DNAH1: variants seen among roughly 807,000 people sequenced by gnomAD.
The protein encoded by DNAH1 is axonemal beta dynein heavy chain 1.
In DNAH1, 327 loss-of-function variants were observed where a neutral mutation model predicts 484.3. The ratio of observed to expected loss-of-function variants is 0.68; its 90% CI spans 0.62 to 0.74. The LOEUF (loss-of-function observed/expected upper bound fraction) is 0.74, where lower values mean the gene tolerates loss of function less well. Among genes scored for constraint, DNAH1 ranks in the 30% least tolerant of loss-of-function variants. The probability of loss-of-function intolerance (pLI) is 0.00; values close to 1 mark genes in which losing one functional copy is unlikely to be tolerated. For synonymous variants in DNAH1, 2,192 were observed against 2,191.9 expected (o/e 1.00, Z 0.00); for missense variants, 5,052 against 5,546.8 (o/e 0.91, Z 2.83).
At chr3:52,357,071 G>A (rs1370527401) in intron 22 of DNAH1, among the ~76,000 whole-genome samples, 1 of 99,482 alleles carries the variant, frequency 1.0e-5, no homozygotes, top group East Asian at 2.9e-4. Context: ...TTTTGCTCTT[G>A]TTGCCCAGGC....
chr3:52,369,766 C>G, intron 37 of DNAH1, 59 bp from the exon 38 acceptor site: 1 of 1,546,892 alleles, frequency 6.5e-7, no homozygotes, highest in Non-Finnish European at 8.8e-7. Context: ...CCCTGCAGCC[C>G]TTTCTCCAGG....
intron 77 of DNAH1, 23 bp from the exon 78 acceptor site, chr3:52,400,302 G>A (rs368262773): frequency 1.3e-4 from 210 of 1,613,460 alleles, no homozygotes; most frequent in Admixed American, 7.2e-4. Flanking sequence ...GACCTAACCC[G>A]TCCCCCTCCT....
intron 54 of DNAH1, 54 bp from the exon 55 acceptor site, chr3:52,386,104 CTA>C: frequency 6.5e-7 from 1 of 1,541,122 alleles, no homozygotes. Context: ...TCTGGGGAGA[CTA>C]AGATGCAGAG....
chr3:52,385,176 T>A (rs1049335355), intron 53 of DNAH1, among the ~76,000 whole-genome samples, 161 bp from the exon 54 acceptor site: 1 of 152,168 alleles, frequency 6.6e-6, no homozygotes, highest in Non-Finnish European at 1.5e-5. Context: ...CCACAGATAT[T>A]TGGGGGACTG....
At chr3:52,341,530 C>CTTTTTTT (rs55645528) in intron 8 of DNAH1, among the ~76,000 whole-genome samples, 4 of 101,172 alleles carry the variant, frequency 4.0e-5, no homozygotes, top group Admixed American at 1.0e-4. Flanking sequence ...TTGACTTTGA[C>CTTTTTTT]TTTTTTTTTT....
chr3:52,353,801 C>G lies in DNAH1; in HGVS notation c.3480+168C>G, dbSNP rs1172058539. On this transcript the variant is annotated intron_variant, in intron 20 of 77. Coordinates refer to ENST00000420323, the MANE Select transcript of DNAH1 (RefSeq NM_015512.5). This position sits in a 1 kb window ranked among gnomAD's most constrained non-coding sequence, Gnocchi z 5.0. The stretch of plus-strand genomic sequence containing the variant: ...CATTCTATTAAGTGAGTTAATAATG[C>G]ACATAAAATTCTTGACAGTGTCCAC... 86 of 901,626 alleles carry G rather than the reference C, an allele frequency of 9.5e-5. 2 individuals carry two copies. In the Admixed American group the frequency reaches 2.5e-3, roughly 26 times the overall value. 55.9% of individuals were successfully genotyped at this position (901,626 alleles called of 1,614,324 possible).
Position 52,369,879 on chromosome 3 carries a change from G to A in DNAH1, c.5998G>A (p.Val2000Ile). Reference sequence around the variant, plus strand: ...CCTGGCGGTGGCTTCACCAGCTACAGTCTCCCGCTGTGGCATGGTGTACCT... The same window carrying A: ...CCTGGCGGTGGCTTCACCAGCTACAATCTCCCGCTGTGGCATGGTGTACCT... ...QDLAVASPAT[V>I]SRCGMVYLEP... Residue 2000 changes from valine to isoleucine, a missense_variant, in exon 38 of 78, where the codon GTC becomes ATC. Val to Ile is a conservative substitution (Grantham distance 29, BLOSUM62 3). Around this residue, in one of 4 missense-constraint regions of DNAH1, gnomAD observed 2,929 missense variants for 3,409.4 expected, o/e 0.86. Coordinates refer to ENST00000420323, the MANE Select transcript of DNAH1 (RefSeq NM_015512.5). The A allele has an allele frequency of 6.2e-7, 1 of 1,613,730 alleles. No homozygotes were observed. The highest frequency in any genetic ancestry group is 1.1e-5 in the South Asian group (1 of 91,080).
chr3:52,349,415 G>A lies in DNAH1; in HGVS notation c.2521G>A (p.Asp841Asn), dbSNP rs1162994783. Residue 841 changes from aspartate (D) to asparagine (N), a missense_variant, in exon 14 of 78, where the codon GAT becomes AAT. Asp to Asn is a conservative substitution (Grantham distance 23). Transcript: ENST00000420323. ...ILAKNLHKEV[D>N]SICEEFRSIS... ...TGCCAAGAACCTGCATAAGGAGGTG[G>A]ATAGCGTAAGTGCCCACCTGCCCCG... 3 of 1,613,644 alleles carry A rather than the reference G, an allele frequency of 1.9e-6. No individual in the cohort carries two copies. The highest frequency in any genetic ancestry group is 2.5e-6 in the Non-Finnish European group (3 of 1,179,822).
At chr3:52,356,867 C>A in intron 22 of DNAH1, 89 bp downstream of exon 22, 1 of 1,450,092 alleles carries the variant, frequency 6.9e-7, no homozygotes, top group Non-Finnish European at 9.3e-7. Context: ...TCCCTCCCTA[C>A]ACAGAAAAGG....
chr3:52,331,469 C>T (rs1261798367), intron 7 of DNAH1, among the ~76,000 whole-genome samples, 160 bp downstream of exon 7: 1 of 152,152 alleles, frequency 6.6e-6, no homozygotes, highest in Admixed American at 6.5e-5. Context: ...ACTCATCACT[C>T]AGAGACCCCA....
intron 8 of DNAH1, among the ~76,000 whole-genome samples, chr3:52,342,508 G>A (rs888158739): frequency 6.6e-6 from 1 of 152,186 alleles, no homozygotes; most frequent in Non-Finnish European, 1.5e-5. Context: ...TATATTTGAG[G>A]TTTCCTCAGC....
chr3:52,324,554 C>T (rs1559487488), intron 3 of DNAH1, among the ~76,000 whole-genome samples: 1 of 152,112 alleles, frequency 6.6e-6, no homozygotes, highest in Non-Finnish European at 1.5e-5. Context: ...CTGTGGCTGC[C>T]CCTGTCCGCC....
intron 1 of DNAH1, chr3:52,317,756 T>C (rs1700999790): frequency 6.7e-6 from 1 of 150,270 alleles, no homozygotes; most frequent in Non-Finnish European, 1.5e-5. Context: ...AGACCTGGAG[T>C]TGGTGGGTAG....
Position 52,366,527 on chromosome 3 carries a change from C to G in DNAH1, c.5589C>G (p.Pro1863=), listed in dbSNP as rs767601047. The G allele has an allele frequency of 1.3e-6, 2 of 1,598,698 alleles. No homozygotes were observed. Among genetic ancestry groups the G allele is most frequent in the Non-Finnish European group, 8.5e-7 (1 of 1,173,156 alleles). The stretch of plus-strand genomic sequence containing the variant: ...GACACGGCCTCATGCTCGTCGGGCC[C>G]ACAGGCTCCGGCAAGAGTACTGTAA... The part of the protein sequence containing the change: ...VVRHGLMLVG[P]TGSGKSTCYR... Residue 1863 remains proline, a synonymous_variant, in exon 35 of 78, where the codon CCC becomes CCG. Transcript: ENST00000420323.
intron 43 of DNAH1, 77 bp from the exon 44 acceptor site, chr3:52,372,819 C>G: frequency 1.3e-6 from 2 of 1,528,624 alleles, no homozygotes; most frequent in Non-Finnish European, 1.8e-6. Flanking sequence ...AGAGGCAAAG[C>G]TGCCACCCGT....
In DNAH1 at chr3:52,379,835, G is replaced by T. The variant is rs1023951673; in HGVS notation, c.7378-70G>T. 8 of 1,400,652 alleles carry T rather than the reference G, an allele frequency of 5.7e-6. No individual in the cohort carries two copies. In the Admixed American group the frequency reaches 1.7e-4, roughly 30 times the overall value. The allele number at this position is 1,400,652 out of a possible 1,614,324, so 86.8% of individuals were successfully genotyped here. ...CAGGAACTGGGGCCCACCCTCCCTT[G>T]CCTGGTGGTTTGAGAGATAGCTGAG... On this transcript the variant is annotated intron_variant, in intron 47 of 77. Transcript: ENST00000420323. The surrounding 1 kb of genome is among the most constrained non-coding windows in gnomAD (Gnocchi z 4.4).
chr3:52,400,183 C>T (rs1045049265), intron 77 of DNAH1, 142 bp from the exon 78 acceptor site: 3 of 1,145,240 alleles, frequency 2.6e-6, no homozygotes, highest in African/African-American at 3.0e-5. Context: ...CCTGGCCAGA[C>T]CCCCTCATCA....
At chr3:52,323,339 G>C (rs761257489) in intron 2 of DNAH1, among the ~76,000 whole-genome samples, 2 of 152,052 alleles carry the variant, frequency 1.3e-5, no homozygotes, top group Admixed American at 6.6e-5. Context: ...GAAAAGAGAG[G>C]GGGGAATGAC....
At chr3:52,366,389 C>T in intron 34 of DNAH1, 68 bp from the exon 35 acceptor site, 1 of 1,325,648 alleles carries the variant, frequency 7.5e-7, no homozygotes, top group Non-Finnish European at 1.1e-6. Flanking sequence ...CAAGGTCACA[C>T]AAGTTAGTGG....
Sources: allele counts gnomAD v4.1 joint callset (sites outside exome capture counted in the v4.1 genomes callset), GRCh38; gene constraint gnomAD v4.1.1; regional missense constraint gnomAD v4.1.1; non-coding constraint Gnocchi (gnomAD v3.1); transcripts MANE v1.5; gene names NCBI Gene and HGNC (gene_info 2026-07-23, HGNC 2026-07-21).